Variants in THRB observed in about 807,000 individuals in gnomAD.
THRB encodes the protein nuclear receptor subfamily 1 group A member 2.
THRB carries 12 observed loss-of-function variants against 47.8 expected under a neutral mutation model. The ratio of observed to expected loss-of-function variants is 0.25; its 90% confidence interval spans 0.16 to 0.41. The LOEUF (loss-of-function observed/expected upper bound fraction) is 0.41. THRB is among the 10% of genes least tolerant of loss of function. The pLI, the probability that THRB is intolerant of heterozygous loss-of-function variation, is 1.00. For synonymous variants in THRB, 218 were observed against 212.2 expected (o/e 1.03, Z -0.24); for missense variants, 348 against 589.2 (o/e 0.59, Z 4.24).
chr3:24,264,132 C>G (rs2052390152), intron 3 of THRB, among the ~76,000 whole-genome samples: 1 of 152,304 alleles, frequency 6.6e-6, no homozygotes, highest in South Asian at 2.1e-4. Context: ...CTGATTGCAT[C>G]TCTGGCTGTT....
intron 1 of THRB, among the ~76,000 whole-genome samples, chr3:24,386,076 C>A (rs1237469241): frequency 6.6e-6 from 1 of 152,124 alleles, no homozygotes; most frequent in Non-Finnish European, 1.5e-5. Flanking sequence ...CCAGCCAAAT[C>A]CAGCATCCAC....
chr3:24,278,973 T>C (rs1007715721), intron 3 of THRB, among the ~76,000 whole-genome samples: 3 of 152,094 alleles, frequency 2.0e-5, no homozygotes, highest in African/African-American at 4.8e-5. Flanking sequence ...GCCTCCCAAG[T>C]AGTTAGGACT....
chr3:24,440,228 C>T (rs983930785), intron 1 of THRB, among the ~76,000 whole-genome samples: 2 of 152,140 alleles, frequency 1.3e-5, no homozygotes, highest in Non-Finnish European at 2.9e-5. Context: ...GAAATGGTCT[C>T]TCCAGGTAGT....
intron 1 of THRB, among the ~76,000 whole-genome samples, chr3:24,345,618 G>C (rs1426662396): frequency 6.6e-6 from 1 of 152,096 alleles, no homozygotes; most frequent in Non-Finnish European, 1.5e-5. Context: ...TGTATAAAGT[G>C]CTTAGAAGAG....
chr3:24,369,607 G>C (rs1016540719), intron 1 of THRB, among the ~76,000 whole-genome samples: 41 of 152,004 alleles, frequency 2.7e-4, no homozygotes, highest in African/African-American at 9.9e-4. Flanking sequence ...CCCCTATGCT[G>C]GGCTATTTTT....
chr3:24,222,401 G>C (rs907996430), intron 4 of THRB, among the ~76,000 whole-genome samples: 3 of 152,152 alleles, frequency 2.0e-5, no homozygotes, highest in African/African-American at 7.2e-5. Context: ...TCACAGTCTT[G>C]AAGGTGGAGG....
intron 1 of THRB, among the ~76,000 whole-genome samples, chr3:24,434,440 T>C (rs914006062): frequency 1.1e-4 from 17 of 152,070 alleles, no homozygotes; most frequent in Non-Finnish European, 2.9e-5. Context: ...GAATCAAACA[T>C]GACCAGAATA....
intron 4 of THRB, among the ~76,000 whole-genome samples, chr3:24,204,427 C>T (rs1559591782): frequency 1.3e-5 from 2 of 152,212 alleles, no homozygotes; most frequent in Middle Eastern, 3.2e-3. Flanking sequence ...CTCCAACAGA[C>T]CTTCAGCTGA....
intron 3 of THRB, among the ~76,000 whole-genome samples, chr3:24,242,892 C>T (rs1478081032): frequency 2.0e-5 from 3 of 152,030 alleles, no homozygotes; most frequent in Non-Finnish European, 4.4e-5. Context: ...AGTCCTGCCA[C>T]TGCTATAGCA....
intron 8 of THRB, among the ~76,000 whole-genome samples, chr3:24,138,700 T>C (rs1322825205): frequency 6.6e-6 from 1 of 152,204 alleles, no homozygotes; most frequent in African/African-American, 2.4e-5. Context: ...TGATTGCACT[T>C]GTACTATGAG....
At chr3:24,138,879 G>C (rs1270125135) in intron 8 of THRB, among the ~76,000 whole-genome samples, 3 of 152,144 alleles carry the variant, frequency 2.0e-5, no homozygotes, top group African/African-American at 7.2e-5. Flanking sequence ...TTTATACTTG[G>C]GTAGACATTC....
At chr3:24,225,698 G>A (rs544927740) in intron 4 of THRB, among the ~76,000 whole-genome samples, 1 of 152,084 alleles carries the variant, frequency 6.6e-6, no homozygotes, top group Admixed American at 6.6e-5. Context: ...TGAGGATCAC[G>A]GTTTTATTAA....
chr3:24,282,017 A>G (rs1168603397), intron 3 of THRB, among the ~76,000 whole-genome samples: 2 of 130,338 alleles, frequency 1.5e-5, no homozygotes, highest in Non-Finnish European at 3.1e-5. Flanking sequence ...TCAACATTAG[A>G]CAGATCAACG....
intron 1 of THRB, among the ~76,000 whole-genome samples, chr3:24,352,640 C>T (rs1432595339): frequency 6.6e-6 from 1 of 152,094 alleles, no homozygotes; most frequent in African/African-American, 2.4e-5. Context: ...AAACTCAAAC[C>T]TACAAACGCA....
chr3:24,420,345 A>G (rs972099903), intron 1 of THRB, among the ~76,000 whole-genome samples: 2 of 151,892 alleles, frequency 1.3e-5, no homozygotes, highest in African/African-American at 2.4e-5. Context: ...CACGTAGTCC[A>G]GCCCTGGCGG....
rs553198209 is a variant in THRB, at chr3:24,327,527, G to A, written c.-189+9773C>T. Among the ~76,000 whole-genome samples the A allele has an allele frequency of 4.6e-5, 7 of 152,300 alleles. No homozygotes were observed. The South Asian group carries it at 1.5e-3, about 32-fold the overall frequency. ...GCAATTAATATTCACTTAACCAATA[G>A]ATACTAAGCACCTACTATGTGCCAG... On this transcript the variant is annotated intron_variant, in intron 2 of 10. Coordinates refer to ENST00000646209, the MANE Select transcript of THRB (RefSeq NM_001354712.2).
chr3:24,342,684 A>G (rs991790201), intron 1 of THRB, among the ~76,000 whole-genome samples: 1 of 152,168 alleles, frequency 6.6e-6, no homozygotes, highest in African/African-American at 2.4e-5. Flanking sequence ...GTGGGCAAGC[A>G]GGTGAATACA....
At chr3:24,280,524 G>C (rs547331946) in intron 3 of THRB, among the ~76,000 whole-genome samples, 9 of 152,196 alleles carry the variant, frequency 5.9e-5, no homozygotes, top group African/African-American at 9.7e-5. Flanking sequence ...CTAAAAAGCA[G>C]AGCGCCTCTC....
At chr3:24,310,482 A>C (rs866304736) in intron 2 of THRB, among the ~76,000 whole-genome samples, 17 of 152,326 alleles carry the variant, frequency 1.1e-4, no homozygotes, top group African/African-American at 4.1e-4. Flanking sequence ...TTCAGTGTGC[A>C]TCAGAATAAT....
Sources: allele counts gnomAD v4.1 joint callset (sites outside exome capture counted in the v4.1 genomes callset), GRCh38; gene constraint gnomAD v4.1.1; transcripts MANE v1.5; gene names NCBI Gene and HGNC (gene_info 2026-07-23, HGNC 2026-07-21).